Variants in CIT observed in about 807,000 individuals in gnomAD.
The protein encoded by CIT is citron Rho-interacting kinase.
CIT carries 79 observed loss-of-function variants against 272.7 expected under a neutral mutation model. The ratio of observed to expected loss-of-function variants is 0.29; its 90% CI spans 0.24 to 0.35. The LOEUF (loss-of-function observed/expected upper bound fraction) is 0.35, where lower values mean the gene tolerates loss of function less well. Among genes scored for constraint, CIT ranks in the 10% least tolerant of loss-of-function variants. The pLI, the probability that CIT is intolerant of heterozygous loss-of-function variation, is 1.00. For missense variants in CIT, 1,909 were observed against 2,618.3 expected (o/e 0.73, Z 5.91); for synonymous variants, 948 against 995.6 (o/e 0.95, Z 0.90).
chr12:119,726,914 A>G (rs1437844965), intron 28 of CIT, among the ~76,000 whole-genome samples: 2 of 152,194 alleles, frequency 1.3e-5, no homozygotes, highest in Admixed American at 6.5e-5. Flanking sequence ...CTTGTCTATT[A>G]TGCTTCAAAA....
At position 119,690,070 on chromosome 12, in the gene CIT, A is replaced by G; in HGVS notation, c.6186+81T>C. ...TCATGGAGTTCCTTTTTTAAACAAC[A>G]GTGGCCCCGTGGGGGCCTCAGTTCC... On this transcript the variant is annotated intron_variant, in intron 47 of 47. Transcript: ENST00000392521. This position sits in a 1 kb window ranked among gnomAD's most constrained non-coding sequence, Gnocchi z 6.0. 7.7e-7 allele frequency: 1 copy of G among 1,297,906 alleles called. No homozygotes were observed. Among genetic ancestry groups the G allele is most frequent in the Non-Finnish European group, 1.0e-6 (1 of 998,746 alleles). 80.4% of individuals were successfully genotyped at this position (1,297,906 alleles called of 1,614,324 possible).
rs1382723101 is a variant in CIT, at chr12:119,856,770, A to C, written c.414+753T>G. Among the ~76,000 whole-genome samples the C allele has an allele frequency of 3.3e-5, 5 of 152,182 alleles. No homozygotes were observed. The South Asian group carries it at 8.3e-4, about 25-fold the overall frequency. ...CACTTCTGTGATACTTTAGCTGGTA[A>C]GCACCTGCTTTATACATTTGCATTT... On this transcript the variant is annotated intron_variant, in intron 4 of 47. Transcript: ENST00000392521.
intron 7 of CIT, among the ~76,000 whole-genome samples, chr12:119,829,537 C>T (rs1451300681): frequency 6.6e-6 from 1 of 152,198 alleles, no homozygotes; most frequent in African/African-American, 2.4e-5. Flanking sequence ...AAGCTTTTCA[C>T]TCCTACACAA....
chr12:119,712,692 C>T lies in CIT; in HGVS notation c.4583G>A (p.Gly1528Glu). The T allele has an allele frequency of 6.2e-7, 1 of 1,613,698 alleles. No homozygotes were observed. The highest frequency in any genetic ancestry group is 1.1e-5 in the South Asian group (1 of 91,050). The change falls in exon 36 of 48, where the codon GGA (glycine) becomes GAA (glutamate). Residue 1528 changes from glycine to glutamate, a missense_variant. By Grantham distance (98) the Gly-to-Glu change is moderately conservative. This residue lies in a region of CIT where 780 missense variants were observed against 1,067.2 expected (regional missense o/e 0.73). Transcript: ENST00000392521. This position sits in a 1 kb window ranked among gnomAD's most constrained non-coding sequence, Gnocchi z 5.2. ...LIYDNEAREA[G>E]QRPVEEFELC... ...CTCAAATTCTTCCACCGGCCTCTGT[C>T]CAGCTTGGTGCAAAGAGGAAGGGCA...
intron 9 of CIT, among the ~76,000 whole-genome samples, chr12:119,820,700 A>G (rs1326752373): frequency 2.6e-5 from 4 of 152,164 alleles, no homozygotes; most frequent in African/African-American, 9.7e-5. Context: ...GCTGGGTGCA[A>G]TGGCTCACGC....
intron 17 of CIT, among the ~76,000 whole-genome samples, chr12:119,771,586 G>A (rs752546333): frequency 1.3e-4 from 20 of 152,156 alleles, no homozygotes; most frequent in Non-Finnish European, 2.6e-4. Flanking sequence ...GGGTGCACCT[G>A]AGCATTATGG....
intron 22 of CIT, among the ~76,000 whole-genome samples, chr12:119,753,875 G>A (rs1033835959): frequency 1.3e-5 from 2 of 152,186 alleles, no homozygotes; most frequent in African/African-American, 4.8e-5. Context: ...GTCTTAACAT[G>A]TTGAACTTGA....
intron 4 of CIT, among the ~76,000 whole-genome samples, chr12:119,855,967 T>C (rs11064931): frequency 1.3e-5 from 2 of 152,174 alleles, no homozygotes; most frequent in Admixed American, 6.5e-5. Flanking sequence ...GACACAGTTC[T>C]TTCTCAGGAG....
intron 5 of CIT, among the ~76,000 whole-genome samples, chr12:119,849,746 C>A (rs369593274): frequency 6.7e-6 from 1 of 148,918 alleles, no homozygotes; most frequent in East Asian, 2.0e-4. Flanking sequence ...AGTGCAGTGG[C>A]GCAATCTCGG....
Position 119,784,154 on chromosome 12 carries a change from C to T in CIT, c.1402-103G>A. On this transcript the variant is annotated intron_variant, in intron 11 of 47. Transcript: ENST00000392521. The surrounding 1 kb of genome is among the most constrained non-coding windows in gnomAD (Gnocchi z 4.7). Reference sequence around the variant, plus strand: ...AACCACCTGGTGGTCTGGGCTAAGGCTAATTCGCCAAAAGTTAAGTTGGGA... The same window carrying T: ...AACCACCTGGTGGTCTGGGCTAAGGTTAATTCGCCAAAAGTTAAGTTGGGA... 2 of 1,611,476 alleles carry T rather than the reference C, an allele frequency of 1.2e-6. No individual in the cohort carries two copies. Among genetic ancestry groups the T allele is most frequent in the Middle Eastern group, 1.7e-4 (1 of 6,048 alleles).
intron 3 of CIT, among the ~76,000 whole-genome samples, chr12:119,865,664 G>GT (rs1258538383): frequency 6.6e-6 from 1 of 152,120 alleles, no homozygotes; most frequent in Non-Finnish European, 1.5e-5. Context: ...GAGGTCAGGA[G>GT]TTTGAGACCA....
At chr12:119,866,269 T>C (rs558137922) in intron 3 of CIT, among the ~76,000 whole-genome samples, 1 of 152,214 alleles carries the variant, frequency 6.6e-6, no homozygotes, top group South Asian at 2.1e-4. Flanking sequence ...TAGTTTCCTC[T>C]CAGGTGGAAT....
At chr12:119,703,252 T>A (rs1242293413) in intron 41 of CIT, among the ~76,000 whole-genome samples, 1 of 152,086 alleles carries the variant, frequency 6.6e-6, no homozygotes, top group South Asian at 2.1e-4. Flanking sequence ...GGAATAACTG[T>A]CTCTGCTTTT....
At chr12:119,857,242 T>C (rs1950197688) in intron 4 of CIT, among the ~76,000 whole-genome samples, 1 of 152,210 alleles carries the variant, frequency 6.6e-6, no homozygotes, top group African/African-American at 2.4e-5. Context: ...TAAAAGATCA[T>C]CTTAAATTCA....
At chr12:119,704,939 G>A (rs1041011268) in intron 40 of CIT, among the ~76,000 whole-genome samples, 3 of 152,186 alleles carry the variant, frequency 2.0e-5, no homozygotes, top group Non-Finnish European at 2.9e-5. Flanking sequence ...CTGAGACGGA[G>A]TCTCACTCTG....
intron 33 of CIT, 73 bp downstream of exon 33, chr12:119,714,124 A>G (rs1208718007): frequency 4.5e-6 from 7 of 1,559,826 alleles, no homozygotes; most frequent in East Asian, 2.3e-5. Context: ...GAAAAAAATC[A>G]CCTCCACCTG....
At chr12:119,823,435 G>A (rs1316740932) in intron 8 of CIT, among the ~76,000 whole-genome samples, 1 of 152,170 alleles carries the variant, frequency 6.6e-6, no homozygotes, top group African/African-American at 2.4e-5. Context: ...AAGGCAGAGA[G>A]GGCCTGCTTC....
intron 10 of CIT, among the ~76,000 whole-genome samples, chr12:119,792,237 G>A (rs1965368885): frequency 6.6e-6 from 1 of 152,020 alleles, no homozygotes; most frequent in South Asian, 2.1e-4. Context: ...AGATAACACA[G>A]ATCACAAATC....
intron 13 of CIT, among the ~76,000 whole-genome samples, chr12:119,781,809 C>A (rs1049984904): frequency 2.0e-5 from 3 of 152,200 alleles, no homozygotes; most frequent in African/African-American, 4.8e-5. Flanking sequence ...TAGAATATTT[C>A]TTTATGTAAG....
Sources: gnomAD v4.1 joint callset for allele counts (sites outside exome capture counted in the v4.1 genomes callset) on GRCh38, gnomAD v4.1.1 for gene constraint, gnomAD v4.1.1 regional missense constraint, Gnocchi (gnomAD v3.1) non-coding constraint, MANE v1.5 for transcripts, NCBI Gene and HGNC (gene_info 2026-07-23, HGNC 2026-07-21) for gene names.